PTPRM: variants seen among roughly 807,000 people sequenced by gnomAD.
PTPRM encodes receptor-type tyrosine-protein phosphatase mu.
Under a neutral mutation model 186.7 loss-of-function variants are expected in PTPRM, and 47 were observed. The ratio of observed to expected loss-of-function variants is 0.25; its 90% confidence interval spans 0.20 to 0.32. The LOEUF (loss-of-function observed/expected upper bound fraction) is 0.32. Ranked by LOEUF, PTPRM falls within the 10% of genes least tolerant of loss-of-function variation. The pLI, the probability that PTPRM is intolerant of heterozygous loss-of-function variation, is 1.00. For missense variants in PTPRM, 1,494 were observed against 1,865.0 expected (o/e 0.80, Z 3.66); for synonymous variants, 668 against 674.9 (o/e 0.99, Z 0.16).
intron 7 of PTPRM, among the ~76,000 whole-genome samples, chr18:8,029,185 C>T (rs1192499262): frequency 6.6e-6 from 1 of 151,730 alleles, no homozygotes; most frequent in Admixed American, 6.6e-5. Context: ...ACCTGTCCTG[C>T]CTGGAGTGCC....
intron 5 of PTPRM, among the ~76,000 whole-genome samples, chr18:7,938,157 A>G (rs988754086): frequency 6.6e-6 from 1 of 152,236 alleles, no homozygotes; most frequent in Non-Finnish European, 1.5e-5. Flanking sequence ...GAGCTAAGAT[A>G]TCTTGGTATG....
chr18:8,063,615 CCT>C (rs1316921137), intron 7 of PTPRM, among the ~76,000 whole-genome samples: 1 of 152,080 alleles, frequency 6.6e-6, no homozygotes, highest in African/African-American at 2.4e-5. Flanking sequence ...CTTTTTCCAA[CCT>C]CTCTATTCAA....
At chr18:7,750,329 A>G (rs1461036530) in intron 1 of PTPRM, among the ~76,000 whole-genome samples, 2 of 152,228 alleles carry the variant, frequency 1.3e-5, no homozygotes, top group Non-Finnish European at 2.9e-5. Flanking sequence ...CAAGCTCGTT[A>G]AAGACTGTTT....
intron 7 of PTPRM, among the ~76,000 whole-genome samples, chr18:8,005,902 A>G (rs2084156972): frequency 6.6e-6 from 1 of 152,238 alleles, no homozygotes. Flanking sequence ...TTTAAGTGCT[A>G]TATTAGAGCT....
intron 1 of PTPRM, among the ~76,000 whole-genome samples, chr18:7,612,091 G>A (rs1443283137): frequency 2.0e-5 from 3 of 152,098 alleles, no homozygotes; most frequent in African/African-American, 7.2e-5. Context: ...TTTCATATGT[G>A]TTTGGAATAA....
intron 3 of PTPRM, among the ~76,000 whole-genome samples, chr18:7,905,823 C>G (rs1379390664): frequency 6.6e-6 from 1 of 151,968 alleles, no homozygotes; most frequent in African/African-American, 2.4e-5. Context: ...TTTTTTTTCA[C>G]TTGTGTAAAT....
At position 8,088,799 on chromosome 18, in the gene PTPRM, A is replaced by G. The variant is rs1026549333; in HGVS notation, c.1804A>G (p.Asn602Asp). The change falls in exon 11 of 33, where the codon AAT (asparagine) becomes GAT (aspartate). Residue 602 changes from asparagine (N) to aspartate (D), a missense_variant. Physicochemically the swap from Asn to Asp is conservative, Grantham distance 23 (BLOSUM62 1). This residue lies in a region of PTPRM where 1,107 missense variants were observed against 1,350.2 expected (regional missense o/e 0.82). Coordinates refer to ENST00000580170, the MANE Select transcript of PTPRM (RefSeq NM_001105244.2). ...ELETPLNQTD[N>D]TVTVMLKPAH... ...TGAGACACCTTTGAATCAAACTGACAATACCGTGACAGTCATGCTGAAACC... is the reference window on the plus strand; with the variant it reads ...TGAGACACCTTTGAATCAAACTGACGATACCGTGACAGTCATGCTGAAACC... 1.2e-6 allele frequency: 2 copies of G among 1,613,114 alleles called. No individual in the cohort carries two copies. Among genetic ancestry groups the G allele is most frequent in the Admixed American group, 3.3e-5 (2 of 59,916 alleles).
intron 1 of PTPRM, among the ~76,000 whole-genome samples, chr18:7,632,722 T>A (rs2038220201): frequency 6.6e-6 from 1 of 152,126 alleles, no homozygotes; most frequent in South Asian, 2.1e-4. Context: ...TTATCTGGAT[T>A]TAGGGATGGT....
chr18:8,338,950 A>G (rs534294033), intron 22 of PTPRM, among the ~76,000 whole-genome samples: 5 of 152,260 alleles, frequency 3.3e-5, no homozygotes, highest in African/African-American at 1.2e-4. Flanking sequence ...GATCATTTTT[A>G]TAGATGTAGG....
intron 1 of PTPRM, among the ~76,000 whole-genome samples, chr18:7,633,221 G>T (rs1437540850): frequency 5.9e-5 from 9 of 152,144 alleles, no homozygotes; most frequent in Admixed American, 5.9e-4. Context: ...AAAAATAAGA[G>T]AGTCCAAGGA....
intron 5 of PTPRM, among the ~76,000 whole-genome samples, chr18:7,935,403 A>G (rs144657941): frequency 7.9e-5 from 12 of 151,782 alleles, no homozygotes; most frequent in Admixed American, 7.9e-4. Context: ...TTAACTTAAT[A>G]TGATTTTGGA....
chr18:7,579,707 C>G (rs1487457135), intron 1 of PTPRM, among the ~76,000 whole-genome samples: 1 of 152,142 alleles, frequency 6.6e-6, no homozygotes, highest in Non-Finnish European at 1.5e-5. Context: ...CTAAATTTGC[C>G]AATTTGAGCT....
chr18:8,250,968 A>G (rs1412748168), intron 17 of PTPRM, among the ~76,000 whole-genome samples: 1 of 152,230 alleles, frequency 6.6e-6, no homozygotes, highest in East Asian at 1.9e-4. Context: ...ATTTCATAGC[A>G]GCACACAAGA....
intron 1 of PTPRM, among the ~76,000 whole-genome samples, chr18:7,733,607 G>A (rs1312434694): frequency 6.6e-6 from 1 of 152,168 alleles, no homozygotes; most frequent in Non-Finnish European, 1.5e-5. Context: ...GCCCAGTAAT[G>A]TGATTGCTGG....
intron 19 of PTPRM, among the ~76,000 whole-genome samples, chr18:8,295,617 C>T (rs2095088671): frequency 6.6e-6 from 1 of 152,200 alleles, no homozygotes; most frequent in Non-Finnish European, 1.5e-5. Context: ...TTACTGAATC[C>T]TGTTCACTTC....
At chr18:8,054,072 T>C (rs192959645) in intron 7 of PTPRM, among the ~76,000 whole-genome samples, 79 of 152,102 alleles carry the variant, frequency 5.2e-4, no homozygotes, top group African/African-American at 1.9e-3. Context: ...ATAATTAAAG[T>C]GCTGTTTTTT....
chr18:8,049,988 G>T (rs936188786), intron 7 of PTPRM, among the ~76,000 whole-genome samples: 1 of 152,120 alleles, frequency 6.6e-6, no homozygotes, highest in Admixed American at 6.5e-5. Context: ...TGGGATTACA[G>T]GCATGAGCCA....
intron 14 of PTPRM, among the ~76,000 whole-genome samples, chr18:8,187,607 A>C (rs566438696): frequency 6.6e-6 from 1 of 152,348 alleles, no homozygotes; most frequent in South Asian, 2.1e-4. Flanking sequence ...GGAGGCCAGT[A>C]TGGCTTCAGA....
chr18:8,019,189 A>G (rs948529630), intron 7 of PTPRM, among the ~76,000 whole-genome samples: 1 of 152,184 alleles, frequency 6.6e-6, no homozygotes, highest in African/African-American at 2.4e-5. Context: ...AGGTCACTGA[A>G]GGAGGAAGGG....
Sources: gnomAD v4.1 joint callset for allele counts (sites outside exome capture counted in the v4.1 genomes callset) on GRCh38, gnomAD v4.1.1 for gene constraint, gnomAD v4.1.1 regional missense constraint, MANE v1.5 for transcripts, NCBI Gene and HGNC (gene_info 2026-07-23, HGNC 2026-07-21) for gene names.